The following GPR137 variants were observed in gnomAD, a reference collection of about 807,000 sequenced individuals.
GPR137 encodes the protein integral membrane protein GPR137.
Under a neutral mutation model 38.9 loss-of-function variants are expected in GPR137, and 20 were observed. The ratio of observed to expected loss-of-function variants is 0.51; its 90% confidence interval spans 0.36 to 0.75. The LOEUF (loss-of-function observed/expected upper bound fraction) is 0.75. Ranked by LOEUF, GPR137 falls within the 30% of genes least tolerant of loss-of-function variation. The pLI is 0.00. For missense variants in GPR137, 456 were observed against 526.4 expected (o/e 0.87, Z 1.31); for synonymous variants, 226 against 235.8 (o/e 0.96, Z 0.38).
chr11:64,271,627 C>A, upstream of GPR137: 2 of 1,499,402 alleles, frequency 1.3e-6, no homozygotes, highest in Non-Finnish European at 1.8e-6. Context: ...AAGGAGTCCA[C>A]AAACTCGTCA....
chr11:64,284,879 C>T, upstream of GPR137: 1 of 1,474,640 alleles, frequency 6.8e-7, no homozygotes, highest in Non-Finnish European at 9.0e-7. Context: ...ATCCTCGCTG[C>T]CTCACACCTT....
Position 64,286,210 on chromosome 11 carries a change from G to A in GPR137, c.-315G>A. On this transcript the variant is annotated 5_prime_UTR_variant, in exon 1 of 7. Coordinates refer to ENST00000438980, the MANE Select transcript of GPR137 (RefSeq NM_001170880.2). ...CAGGGAGTCCTCTCCTTGGGCCTCT[G>A]CATCCCCCCATCCTTGGCTCTGGGG... The A allele has an allele frequency of 8.6e-7, 1 of 1,157,438 alleles. No individual in the cohort carries two copies. Among genetic ancestry groups the A allele is most frequent in the African/African-American group, 1.6e-5 (1 of 62,770 alleles). 71.7% of individuals were successfully genotyped at this position (1,157,438 alleles called of 1,614,324 possible). A position where few individuals can be genotyped will look rare whatever the true frequency, so the allele number is the denominator to read the frequency against.
At chr11:64,275,386 A>T (rs988861785), upstream of GPR137, among the ~76,000 whole-genome samples, 18 of 152,190 alleles carry the variant, frequency 1.2e-4, no homozygotes, top group Admixed American at 2.6e-4. Context: ...TAGGTGGGCC[A>T]GGCCCTGGCC....
chr11:64,271,715 G>A, upstream of GPR137: 2 of 1,461,088 alleles, frequency 1.4e-6, no homozygotes, highest in Non-Finnish European at 1.8e-6. Context: ...GGCCCCGAAA[G>A]GGGCTGGGCT....
chr11:64,285,346 C>T (rs2033833067), upstream of GPR137: 3 of 984,998 alleles, frequency 3.0e-6, no homozygotes, highest in African/African-American at 1.7e-5. Context: ...CCGTAGGGCC[C>T]GTGGGGGCTT....
intron 2 of GPR137, 25 bp from the exon 3 acceptor site, chr11:64,287,696 C>G (rs374932913): frequency 6.9e-6 from 11 of 1,600,828 alleles, no homozygotes; most frequent in Admixed American, 3.3e-5. Context: ...GTTGAGGGCC[C>G]GCGCTGACTG....
upstream of GPR137, chr11:64,285,542 C>G (rs2033871301): frequency 1.0e-6 from 1 of 983,690 alleles, no homozygotes; most frequent in South Asian, 4.7e-5. Context: ...CGCCCCCGGC[C>G]GGGCGGCACG....
chr11:64,277,186 T>G, intron 2 of GPR137: 2 of 579,592 alleles, frequency 3.5e-6, no homozygotes, highest in East Asian at 3.0e-5. Flanking sequence ...GTTTGGATCC[T>G]GCCCCTACCA....
exon 1 of GPR137, chr11:64,270,561 AAG>A: frequency 1.4e-6 from 1 of 719,436 alleles, no homozygotes; most frequent in Non-Finnish European, 2.5e-6. Context: ...CGGAGACGGG[AAG>A]AGAGGATGCC....
upstream of GPR137, chr11:64,284,504 C>T (rs2033719944): frequency 1.3e-6 from 2 of 1,566,110 alleles, no homozygotes; most frequent in Non-Finnish European, 8.6e-7. Context: ...CCTCCTGGGC[C>T]CTCATCTGTC....
upstream of GPR137, among the ~76,000 whole-genome samples, chr11:64,279,576 C>A (rs935196769): frequency 4.6e-5 from 7 of 151,616 alleles, no homozygotes; most frequent in African/African-American, 1.7e-4. Flanking sequence ...ACCAGCCTGG[C>A]CAACATGGTG....
In GPR137 at chr11:64,288,442, C is replaced by T. The variant is rs752422453; in HGVS notation, c.886C>T (p.Arg296Trp). 18 of 1,613,460 alleles carry T rather than the reference C, an allele frequency of 1.1e-5. No homozygotes were observed. Among genetic ancestry groups the T allele is most frequent in the Non-Finnish European group, 1.4e-5 (17 of 1,179,942 alleles). ...CACCACCCTGCTGGTGGGCTTCTTCCGGGTGCACCGGCCCCCACAGGACCT... is the reference window on the plus strand; with the variant it reads ...CACCACCCTGCTGGTGGGCTTCTTCTGGGTGCACCGGCCCCCACAGGACCT... ...LPTTLLVGFF[R>W]VHRPPQDLST... The change falls in exon 5 of 7, where the codon CGG becomes TGG. Residue 296 changes from arginine (R) to tryptophan (W), a missense_variant. Physicochemically the swap from Arg to Trp is moderately radical, Grantham distance 101. Coordinates refer to ENST00000438980, the MANE Select transcript of GPR137 (RefSeq NM_001170880.2). This position sits in a 1 kb window ranked among gnomAD's most constrained non-coding sequence, Gnocchi z 5.5.
upstream of GPR137, among the ~76,000 whole-genome samples, chr11:64,274,155 GGCCGAGGCAGGC>G (rs1294959930): frequency 5.9e-5 from 9 of 152,218 alleles, no homozygotes; most frequent in African/African-American, 2.2e-4. Context: ...CACTTTGGGA[GGCCGAGGCAGGC>G]GCATCACGAG....
chr11:64,274,992 C>CAAAAAA (rs34418386), upstream of GPR137, among the ~76,000 whole-genome samples: 68 of 54,396 alleles, frequency 1.3e-3, 6 homozygotes, highest in African/African-American at 3.8e-3. Context: ...GACTTTGTCT[C>CAAAAAA]AAAAAAAAAA....
chr11:64,279,616 A>G (rs1325468768), upstream of GPR137, among the ~76,000 whole-genome samples: 1 of 151,700 alleles, frequency 6.6e-6, no homozygotes, highest in African/African-American at 2.4e-5. Flanking sequence ...AAACACAAAA[A>G]TTAGCTGGGC....
Position 64,287,950 on chromosome 11 carries a change from G to T in GPR137, c.633+4G>T. ...TAGCATCTACCTGGAGGCCAAGGTAGGGCTGCAGCACTGATGCCCAGGTGT... is the reference window on the plus strand; with the variant it reads ...TAGCATCTACCTGGAGGCCAAGGTATGGCTGCAGCACTGATGCCCAGGTGT... On this transcript the variant is annotated splice_donor_region_variant and intron_variant, in intron 3 of 6. Coordinates refer to ENST00000438980, the MANE Select transcript of GPR137 (RefSeq NM_001170880.2). 6.2e-7 allele frequency: 1 copy of T among 1,601,352 alleles called. No homozygotes were observed.
rs938374236 is a variant in GPR137 at position 64,288,848 on chromosome 11, T to G, written c.1031+127T>G. ...CCCTGCCATGGCCTTTGCTTCCCCA[T>G]CTGTACTAGGTGAGGTCCCCTGGGT... On this transcript the variant is annotated intron_variant, in intron 6 of 6. Transcript: ENST00000438980. The surrounding 1 kb of genome is among the most constrained non-coding windows in gnomAD (Gnocchi z 5.5). 48 of 1,425,868 alleles carry G rather than the reference T, an allele frequency of 3.4e-5. No individual in the cohort carries two copies. The highest frequency in any genetic ancestry group is 4.2e-5 in the Non-Finnish European group (46 of 1,092,790). The allele number at this position is 1,425,868 out of a possible 1,614,324, so 88.3% of individuals were successfully genotyped here. A position where few individuals can be genotyped will look rare whatever the true frequency, so the allele number is the denominator to read the frequency against.
upstream of GPR137, among the ~76,000 whole-genome samples, chr11:64,272,038 C>G (rs1400527983): frequency 1.3e-5 from 2 of 152,194 alleles, no homozygotes; most frequent in Non-Finnish European, 2.9e-5. Flanking sequence ...TTACCGAGTG[C>G]CAATAATGGG....
At position 64,289,374 on chromosome 11, in the gene GPR137, G is replaced by C. The variant is rs113784844; in HGVS notation, c.*178G>C. The C allele has an allele frequency of 3.2e-6, 5 of 1,562,962 alleles. No homozygotes were observed. Among genetic ancestry groups the C allele is most frequent in the Non-Finnish European group, 3.5e-6 (4 of 1,153,670 alleles). ...TTGTGCCGTCCCCCTAGGATGGGGG[G>C]CATGGCCCTGGCTGCCAGATGCCCA... On this transcript the variant is annotated 3_prime_UTR_variant, in exon 7 of 7. Coordinates refer to ENST00000438980, the MANE Select transcript of GPR137 (RefSeq NM_001170880.2).
Sources: allele counts gnomAD v4.1 joint callset (sites outside exome capture counted in the v4.1 genomes callset), GRCh38; gene constraint gnomAD v4.1.1; non-coding constraint Gnocchi (gnomAD v3.1); transcripts MANE v1.5; gene names NCBI Gene and HGNC (gene_info 2026-07-23, HGNC 2026-07-21).